Variants in SGPL1 observed in about 807,000 individuals in gnomAD.
SGPL1 encodes the protein SP-lyase 1.
SGPL1 carries 37 observed loss-of-function variants against 68.9 expected under a neutral mutation model. The observed-to-expected ratio is 0.54, with a 90% CI of 0.41 to 0.71. The LOEUF is 0.71. Among genes scored for constraint, SGPL1 ranks in the 30% least tolerant of loss-of-function variants. SGPL1 has a pLI of 0.00. For synonymous variants in SGPL1, 236 were observed against 248.5 expected (o/e 0.95, Z 0.47); for missense variants, 551 against 704.6 (o/e 0.78, Z 2.47).
chr10:70,850,314 C>T lies in SGPL1; in HGVS notation c.194-829C>T, dbSNP rs369372656. On this transcript the variant is annotated intron_variant, in intron 3 of 14. Transcript: ENST00000373202. ...AGAGGTGTGAGCCACTGTGCCTGGC[C>T]AGCATCCACAATTTTGAGGGCATTT... is the stretch of plus-strand genomic sequence containing the variant. 4.6e-5 allele frequency among the ~76,000 whole-genome samples: 7 copies of T among 152,274 alleles called. No individual in the cohort carries two copies. The East Asian group carries it at 1.2e-3, about 25-fold the overall frequency.
intron 2 of SGPL1, among the ~76,000 whole-genome samples, chr10:70,826,815 G>A (rs906732556): frequency 1.3e-5 from 2 of 151,898 alleles, no homozygotes; most frequent in Non-Finnish European, 2.9e-5. Flanking sequence ...ATTTTCCTGT[G>A]TTGCTCAGTA....
chr10:70,855,395 A>T (rs1845948421), intron 5 of SGPL1, among the ~76,000 whole-genome samples: 1 of 152,226 alleles, frequency 6.6e-6, no homozygotes, highest in Non-Finnish European at 1.5e-5. Flanking sequence ...GGGATGGATA[A>T]ATAGACCAAA....
At chr10:70,844,766 A>G in intron 3 of SGPL1, 128 bp downstream of exon 3, 1 of 864,644 alleles carries the variant, frequency 1.2e-6, no homozygotes, top group Non-Finnish European at 1.8e-6. Context: ...TTTGAGACGG[A>G]GTCTCCATCT....
intron 13 of SGPL1, 108 bp downstream of exon 13, chr10:70,875,656 T>C: frequency 1.3e-6 from 1 of 763,884 alleles, no homozygotes; most frequent in Non-Finnish European, 2.2e-6. Context: ...GCTAGCACGT[T>C]AGTAGCAACT....
Position 70,878,412 on chromosome 10 carries a change from C to T in SGPL1, c.*1077C>T, listed in dbSNP as rs1295250590. 2 of 152,234 alleles carry T rather than the reference C, an allele frequency of 1.3e-5. No homozygotes were observed. Among genetic ancestry groups the T allele is most frequent in the Non-Finnish European group, 2.9e-5 (2 of 68,062 alleles). 9.4% of individuals were successfully genotyped at this position (152,234 alleles called of 1,614,324 possible). A position where few individuals can be genotyped will look rare whatever the true frequency, so the allele number is the denominator to read the frequency against. On this transcript the variant is annotated 3_prime_UTR_variant, in exon 15 of 15. Transcript: ENST00000373202. The stretch of plus-strand genomic sequence containing the variant: ...ATGGACTAGGAAGAAAACATGGTTT[C>T]CAAATAATCTGGGAGCTTTTGGCCA...
chr10:70,844,763 C>T (rs1028187103), intron 3 of SGPL1, 125 bp downstream of exon 3: 11 of 900,220 alleles, frequency 1.2e-5, no homozygotes, highest in South Asian at 3.4e-5. Context: ...GTTTTTGAGA[C>T]GGAGTCTCCA....
intron 7 of SGPL1, among the ~76,000 whole-genome samples, chr10:70,864,193 G>A (rs1339183426): frequency 6.6e-6 from 1 of 151,954 alleles, no homozygotes; most frequent in Non-Finnish European, 1.5e-5. Context: ...ACAGACCTTC[G>A]TCTATTTGAA....
At chr10:70,871,187 AT>A in intron 10 of SGPL1, 41 bp downstream of exon 10, 1 of 1,360,122 alleles carries the variant, frequency 7.4e-7, no homozygotes, top group East Asian at 2.3e-5. Flanking sequence ...GCAAATGGAT[AT>A]TTTAAAACAA....
chr10:70,861,720 C>T (rs1424296840), intron 7 of SGPL1, among the ~76,000 whole-genome samples: 5 of 152,330 alleles, frequency 3.3e-5, no homozygotes, highest in South Asian at 4.1e-4. Flanking sequence ...ATGGGCTTGG[C>T]GGGCCCCGCA....
intron 3 of SGPL1, among the ~76,000 whole-genome samples, chr10:70,848,533 C>T (rs915326863): frequency 3.8e-5 from 5 of 130,144 alleles, no homozygotes; most frequent in Non-Finnish European, 6.2e-5. Flanking sequence ...GGCACGATCT[C>T]GGCTCACTGC....
chr10:70,854,942 CTCA>C (rs1589463645), intron 5 of SGPL1, 87 bp downstream of exon 5: 1 of 1,181,352 alleles, frequency 8.5e-7, no homozygotes, highest in Non-Finnish European at 1.2e-6. Flanking sequence ...TTAAGAATAA[CTCA>C]TCATTGGTTA....
intron 2 of SGPL1, among the ~76,000 whole-genome samples, chr10:70,826,167 A>G (rs916165337): frequency 1.3e-5 from 2 of 152,250 alleles, no homozygotes; most frequent in East Asian, 1.9e-4. Context: ...CCTGGACGAC[A>G]GAGTGAGACT....
chr10:70,858,118 A>G (rs1355819437), intron 6 of SGPL1, among the ~76,000 whole-genome samples: 1 of 152,136 alleles, frequency 6.6e-6, no homozygotes, highest in Non-Finnish European at 1.5e-5. Flanking sequence ...TTCCATTTCT[A>G]ATCAAATTTA....
Position 70,816,941 on chromosome 10 carries a change from A to G in SGPL1, c.27+61A>G, listed in dbSNP as rs903877024. The G allele has an allele frequency of 6.0e-6, 9 of 1,506,654 alleles. 1 individual carries two copies. The highest frequency in any genetic ancestry group is 3.3e-5 in the Admixed American group (2 of 59,896). 93.3% of individuals were successfully genotyped at this position (1,506,654 alleles called of 1,614,324 possible). The stretch of plus-strand genomic sequence containing the variant: ...CATTTGTCTCCGTTTTTTTAGTCCA[A>G]AGGATCCCAGTGTGTAGATTTCACC... On this transcript the variant is annotated intron_variant, in intron 2 of 14. Transcript: ENST00000373202.
At chr10:70,848,790 C>CTT (rs1845832465) in intron 3 of SGPL1, among the ~76,000 whole-genome samples, 1 of 152,066 alleles carries the variant, frequency 6.6e-6, no homozygotes, top group South Asian at 2.1e-4. Context: ...GGTGAGAACA[C>CTT]TTAAAATCTA....
intron 10 of SGPL1, among the ~76,000 whole-genome samples, 192 bp downstream of exon 10, chr10:70,871,338 G>A (rs1846291992): frequency 6.6e-6 from 1 of 152,228 alleles, no homozygotes; most frequent in Non-Finnish European, 1.5e-5. Context: ...AGTCTCTGCT[G>A]TGGGGGAAGA....
intron 4 of SGPL1, 102 bp from the exon 5 acceptor site, chr10:70,854,606 G>A (rs1291815477): frequency 1.1e-6 from 1 of 930,944 alleles, no homozygotes; most frequent in African/African-American, 1.7e-5. Flanking sequence ...TTAGTTACTT[G>A]TGCGGTGCCT....
In SGPL1 at chr10:70,857,615, C is replaced by T. The variant is rs777741182; in HGVS notation, c.411C>T (p.Asp137=). Residue 137 remains aspartate, a splice_region_variant and synonymous_variant, in exon 6 of 15, where the codon GAC becomes GAT. Coordinates refer to ENST00000373202, the MANE Select transcript of SGPL1 (RefSeq NM_003901.4). The part of the protein sequence containing the change: ...LEKLKEYSSM[D]AFWQEGRASG... ...CAGTGACCTTACCTTTCTCTGCAGA[C>T]GCCTTCTGGCAAGAGGGGAGAGCCT... 3.2e-5 allele frequency: 52 copies of T among 1,612,390 alleles called. No individual in the cohort carries two copies. Among genetic ancestry groups the T allele is most frequent in the Non-Finnish European group, 3.8e-5 (45 of 1,178,800 alleles).
At chr10:70,841,445 G>A (rs960007770) in intron 2 of SGPL1, among the ~76,000 whole-genome samples, 2 of 152,166 alleles carry the variant, frequency 1.3e-5, no homozygotes, top group African/African-American at 4.8e-5. Context: ...CAGATATGGT[G>A]CCTGATGAGG....
Sources: gnomAD v4.1 joint callset for allele counts (sites outside exome capture counted in the v4.1 genomes callset) on GRCh38, gnomAD v4.1.1 for gene constraint, MANE v1.5 for transcripts, NCBI Gene and HGNC (gene_info 2026-07-23, HGNC 2026-07-21) for gene names.